The following HPD variants were observed in gnomAD, a reference collection of about 807,000 sequenced individuals.
HPD encodes 4-hydroxyphenylpyruvic acid oxidase.
In HPD, 35 loss-of-function variants were observed where a neutral mutation model predicts 56.9. That is an observed-to-expected ratio of 0.62 (90% CI 0.47 to 0.82). The LOEUF (loss-of-function observed/expected upper bound fraction) is 0.82. HPD is among the 40% of genes least tolerant of loss of function. HPD has a pLI of 0.00. For synonymous variants in HPD, 186 were observed against 200.2 expected, an observed-to-expected ratio of 0.93 and a Z score of 0.60; for missense variants, 442 against 506.8, an observed-to-expected ratio of 0.87 and a Z score of 1.23.
intron 7 of HPD, among the ~76,000 whole-genome samples, chr12:121,851,709 T>A (rs1486207273): frequency 0.24 from 1,041 of 4,408 alleles, 74 homozygotes; most frequent in Middle Eastern, 1. Context: ...ATTTTTTTTT[T>A]TTTTTTTTTT....
At chr12:121,852,560 G>T (rs1479343904) in intron 7 of HPD, among the ~76,000 whole-genome samples, 1 of 149,204 alleles carries the variant, frequency 6.7e-6, no homozygotes, top group Non-Finnish European at 1.5e-5. Context: ...GGTCATCTTT[G>T]CTGAGTGTCT....
chr12:121,849,067 G>A lies in HPD; in HGVS notation c.528C>T (p.Cys176=), dbSNP rs932127773. The part of the protein sequence containing the change: ...MDPLLPKLPK[C]SLEMIDHIVG... ...CAATGTGGTCGATCATCTCCAGACT[G>A]CATTTGGGCCTGGGAAGGGAAGAAG... Residue 176 remains cysteine (C), a synonymous_variant, in exon 9 of 14, where the codon TGC becomes TGT. Transcript: ENST00000289004. 2 of 1,613,394 alleles carry A rather than the reference G, an allele frequency of 1.2e-6. No individual in the cohort carries two copies. Among genetic ancestry groups the A allele is most frequent in the Non-Finnish European group, 1.7e-6 (2 of 1,179,534 alleles).
intron 11 of HPD, among the ~76,000 whole-genome samples, chr12:121,845,711 C>A (rs767213451): frequency 3.9e-5 from 6 of 152,128 alleles, no homozygotes; most frequent in Non-Finnish European, 7.4e-5. Context: ...GTCTGACCCC[C>A]CAATTTAAAT....
intron 12 of HPD, among the ~76,000 whole-genome samples, chr12:121,841,083 T>A (rs1053825437): frequency 1.3e-5 from 2 of 151,750 alleles, no homozygotes; most frequent in Admixed American, 1.3e-4. Context: ...ACGCCTGTTA[T>A]CCCAGCTACT....
chr12:121,883,682 CTTTTTTT>C, the HPD span, among the ~76,000 whole-genome samples: 1 of 138,754 alleles, frequency 7.2e-6, no homozygotes, highest in Non-Finnish European at 1.5e-5. Flanking sequence ...TTCCTTCTTT[CTTTTTTT>C]TTTTTTTTTG....
At chr12:121,860,348 TG>T (rs1878142774), upstream of HPD, among the ~76,000 whole-genome samples, 1 of 152,160 alleles carries the variant, frequency 6.6e-6, no homozygotes, top group African/African-American at 2.4e-5. Flanking sequence ...GAGCCTGCCC[TG>T]GCTTATATGC....
chr12:121,845,542 A>G (rs3970383), intron 11 of HPD, among the ~76,000 whole-genome samples: 37,054 of 147,374 alleles, frequency 0.25, 4,826 homozygotes, highest in Non-Finnish European at 0.27. Flanking sequence ...CGGAGCTTGC[A>G]GTGAGCCGAG....
chr12:121,858,270 G>A (rs1233556047), intron 2 of HPD, among the ~76,000 whole-genome samples: 2 of 152,036 alleles, frequency 1.3e-5, no homozygotes, highest in East Asian at 3.9e-4. Context: ...AGGTTCAAGC[G>A]ATCCTAGGGT....
At position 121,840,004 on chromosome 12, in the gene HPD, C is replaced by A; in HGVS notation, c.999G>T (p.Leu333=). 6.2e-7 allele frequency: 1 copy of A among 1,613,726 alleles called. No homozygotes were observed. Among genetic ancestry groups the A allele is most frequent in the Non-Finnish European group, 8.5e-7 (1 of 1,179,896 alleles). ...LVDYDEKGYL[L]QIFTKPVQDR... ...CCTGCACCGGTTTGGTGAAGATCTG[C>A]AGGAGGTAGCCTTTCTCGTCGTAGT... Residue 333 remains leucine (L), a synonymous_variant, in exon 13 of 14, where the codon CTG becomes CTT. Coordinates refer to ENST00000289004, the MANE Select transcript of HPD (RefSeq NM_002150.3).
intron 4 of HPD, chr12:121,856,859 G>T: frequency 1.7e-6 from 1 of 590,042 alleles, no homozygotes; most frequent in Non-Finnish European, 3.0e-6. Flanking sequence ...CTCCCTCGGG[G>T]AGAGAACTCC....
chr12:121,874,122 C>G, the HPD span: 1 of 152,168 alleles, frequency 6.6e-6, no homozygotes, highest in East Asian at 1.9e-4. Context: ...CAGCACCCCC[C>G]GGTATATGCC....
chr12:121,877,883 A>G, the HPD span, among the ~76,000 whole-genome samples: 17 of 152,196 alleles, frequency 1.1e-4, no homozygotes, highest in Non-Finnish European at 2.1e-4. Flanking sequence ...TTTGTTCAAA[A>G]GAAGTTAGCA....
Position 121,857,425 on chromosome 12 carries a change from G to A in HPD, c.101C>T (p.Ser34Leu). ...FWVGNAKQAT[S>L]FYCSKMGFEP... ...AAAGCCCATCTTGCTGCAGTAGAAT[G>A]ACGTGGCCTGAATCACAGGGTTGCA... is the stretch of plus-strand genomic sequence containing the variant. The change falls in exon 4 of 14, where the codon TCA becomes TTA. Residue 34 changes from serine to leucine, a missense_variant. Coordinates refer to ENST00000289004, the MANE Select transcript of HPD (RefSeq NM_002150.3). 6 of 1,610,286 alleles carry A rather than the reference G, an allele frequency of 3.7e-6. No homozygotes were observed. The highest frequency in any genetic ancestry group is 5.1e-6 in the Non-Finnish European group (6 of 1,176,472).
At chr12:121,868,520 C>CT (rs869188699), upstream of HPD, among the ~76,000 whole-genome samples, 104 of 12,556 alleles carry the variant, frequency 8.3e-3, 1 homozygote, top group Admixed American at 0.014. Context: ...TTTCTTTTTT[C>CT]TTTTTTTTTT....
At chr12:121,857,946 C>A in intron 2 of HPD, 127 bp from the exon 3 acceptor site, 1 of 744,232 alleles carries the variant, frequency 1.3e-6, no homozygotes, top group Non-Finnish European at 2.4e-6. Context: ...AGCAGCGGAA[C>A]CCCATGCAGC....
rs142205059 is a variant in HPD, at chr12:121,847,201, G to A, written c.610C>T (p.Leu204=). 6.2e-7 allele frequency: 1 copy of A among 1,614,176 alleles called. No individual in the cohort carries two copies. Among genetic ancestry groups the A allele is most frequent in the Non-Finnish European group, 8.5e-7 (1 of 1,180,016 alleles). The change falls in exon 10 of 14, where the codon CTG becomes TTG. Residue 204 remains leucine, a synonymous_variant. Coordinates refer to ENST00000289004, the MANE Select transcript of HPD (RefSeq NM_002150.3). ...ACGGACCAGAAGCGGTGGAACTGCA[G>A]GTTTTTCAGGTACCTGTAGGGTGGG... ...VSASEWYLKN[L]QFHRFWSVDD...
In HPD at chr12:121,846,847, G is replaced by A. The variant is rs1321538766; in HGVS notation, c.831+15C>T. On this transcript the variant is annotated intron_variant, in intron 11 of 13. Transcript: ENST00000289004. ...TGAATGAGAGAGGAATTCGGACAGG[G>A]AAGGGGGTTCTAACCGCTGTGATGA... The A allele has an allele frequency of 1.2e-6, 2 of 1,613,230 alleles. No individual in the cohort carries two copies. The highest frequency in any genetic ancestry group is 1.7e-6 in the Non-Finnish European group (2 of 1,179,326).
At chr12:121,871,403 G>C in the HPD span, among the ~76,000 whole-genome samples, 3 of 151,890 alleles carry the variant, frequency 2.0e-5, no homozygotes, top group Non-Finnish European at 4.4e-5. Context: ...CAGTCAAATA[G>C]CCCTGTGCTC....
chr12:121,865,330 CAT>C (rs1229897816), upstream of HPD, among the ~76,000 whole-genome samples: 25 of 151,776 alleles, frequency 1.6e-4, no homozygotes, highest in African/African-American at 5.3e-4. Flanking sequence ...AGTGCACTGG[CAT>C]GATCTCAGCT....
Sources: allele counts gnomAD v4.1 joint callset (sites outside exome capture counted in the v4.1 genomes callset), GRCh38; gene constraint gnomAD v4.1.1; transcripts MANE v1.5; gene names NCBI Gene and HGNC (gene_info 2026-07-23, HGNC 2026-07-21).